Variants in PAN3 observed in about 807,000 individuals in gnomAD.
PAN3 encodes the protein PAN2-PAN3 deadenylation complex subunit PAN3.
PAN3 carries 19 observed loss-of-function variants against 96.2 expected under a neutral mutation model. The observed-to-expected ratio is 0.20, with a 90% CI of 0.14 to 0.29. The LOEUF (loss-of-function observed/expected upper bound fraction) is 0.29, where lower values mean the gene tolerates loss of function less well. Among genes scored for constraint, PAN3 ranks in the 10% least tolerant of loss-of-function variants. PAN3 has a pLI of 1.00. For missense variants in PAN3, 882 were observed against 1,108.1 expected, an observed-to-expected ratio of 0.80 and a Z score of 2.90; for synonymous variants, 433 against 406.6, an observed-to-expected ratio of 1.06 and a Z score of -0.78.
chr13:28,292,285 A>C, intron 18 of PAN3, 97 bp from the exon 19 acceptor site: 1 of 1,260,428 alleles, frequency 7.9e-7, no homozygotes, highest in Non-Finnish European at 1.1e-6. Context: ...GAATGTGACA[A>C]AAAAAATTTA....
intron 6 of PAN3, among the ~76,000 whole-genome samples, chr13:28,234,939 A>G (rs1882941730): frequency 6.6e-6 from 1 of 152,082 alleles, no homozygotes; most frequent in African/African-American, 2.4e-5. Flanking sequence ...TAATTGGTCT[A>G]CCCTTGCATT....
chr13:28,180,274 T>C (rs1875594570), intron 4 of PAN3, among the ~76,000 whole-genome samples: 1 of 152,228 alleles, frequency 6.6e-6, no homozygotes, highest in African/African-American at 2.4e-5. Flanking sequence ...GGTTCATATA[T>C]TCATATAGCT....
chr13:28,232,326 C>T (rs575239720), intron 6 of PAN3, among the ~76,000 whole-genome samples: 7 of 151,954 alleles, frequency 4.6e-5, no homozygotes, highest in South Asian at 4.1e-4. Context: ...CAGTTTACCC[C>T]GAATCTAGAT....
chr13:28,283,971 T>G (rs1868626413), intron 17 of PAN3, among the ~76,000 whole-genome samples: 1 of 152,192 alleles, frequency 6.6e-6, no homozygotes, highest in African/African-American at 2.4e-5. Context: ...TTGGGCTGTT[T>G]TCAGTCCTTT....
At chr13:28,174,191 C>A in intron 1 of PAN3, 81 bp from the exon 2 acceptor site, 1 of 1,411,680 alleles carries the variant, frequency 7.1e-7, no homozygotes, top group Non-Finnish European at 9.6e-7. Flanking sequence ...GACTTTACAA[C>A]TTATTTAGGA....
intron 6 of PAN3, among the ~76,000 whole-genome samples, chr13:28,251,333 GTTCTT>G (rs1884705141): frequency 1.3e-5 from 2 of 152,166 alleles, no homozygotes; most frequent in Admixed American, 1.3e-4. Context: ...GTTCTTATGA[GTTCTT>G]TTAAGTGCGA....
At chr13:28,168,315 T>C (rs553200484) in intron 1 of PAN3, among the ~76,000 whole-genome samples, 1 of 152,328 alleles carries the variant, frequency 6.6e-6, no homozygotes, top group East Asian at 1.9e-4. Flanking sequence ...AGCATTTCCT[T>C]TGAGCATCAT....
chr13:28,218,316 C>T (rs1042237154), intron 5 of PAN3, among the ~76,000 whole-genome samples: 4 of 151,858 alleles, frequency 2.6e-5, no homozygotes, highest in Non-Finnish European at 5.9e-5. Flanking sequence ...TGCTGTTGTA[C>T]CTGAATCTTA....
At chr13:28,178,701 A>G (rs1164820597) in intron 4 of PAN3, among the ~76,000 whole-genome samples, 1 of 152,178 alleles carries the variant, frequency 6.6e-6, no homozygotes, top group Non-Finnish European at 1.5e-5. Context: ...TAAATGTAAA[A>G]TTAACTAAAG....
chr13:28,259,307 T>C lies in PAN3; in HGVS notation c.1249-1140T>C, dbSNP rs536950096. On this transcript the variant is annotated intron_variant, in intron 7 of 18. Transcript: ENST00000380958. Reference sequence around the variant, plus strand: ...CAAGCCTGGCTAATTTGTGTTTTTTTTGTTGTTTTTTTTTTTGAGATGGAG... The same window carrying C: ...CAAGCCTGGCTAATTTGTGTTTTTTCTGTTGTTTTTTTTTTTGAGATGGAG... Among the ~76,000 whole-genome samples the C allele has an allele frequency of 1.1e-4, 16 of 151,184 alleles. No individual in the cohort carries two copies. The East Asian group carries it at 3.1e-3, about 29-fold the overall frequency.
chr13:28,222,095 T>C (rs961223075), intron 6 of PAN3, among the ~76,000 whole-genome samples: 1 of 152,174 alleles, frequency 6.6e-6, no homozygotes, highest in Non-Finnish European at 1.5e-5. Flanking sequence ...TGTTAACTTA[T>C]TTCATGAAAC....
intron 5 of PAN3, among the ~76,000 whole-genome samples, chr13:28,199,720 A>T (rs575852438): frequency 1.4e-4 from 21 of 152,196 alleles, no homozygotes; most frequent in African/African-American, 5.1e-4. Flanking sequence ...AAAGTAACTT[A>T]CCAATTCCAT....
rs1885150019 is a variant in PAN3 at position 28,256,486 on chromosome 13, G to C, written c.1195G>C (p.Gly399Arg). The part of the protein sequence containing the change: ...SGQVIQKETV[G>R]GTTYFYTDTT... ...TCAGGTGATCCAAAAGGAAACTGTTGGTGGGACGACTTACTTCTATACAGA... is the reference window on the plus strand; with the variant it reads ...TCAGGTGATCCAAAAGGAAACTGTTCGTGGGACGACTTACTTCTATACAGA... The change falls in exon 7 of 19, where the codon GGT (glycine) becomes CGT (arginine). Residue 399 changes from glycine (G) to arginine (R), a missense_variant. This residue lies in a region of PAN3 where 364 missense variants were observed against 513.6 expected (regional missense o/e 0.71). Transcript: ENST00000380958. The C allele has an allele frequency of 1.9e-6, 3 of 1,613,870 alleles. No homozygotes were observed. Among genetic ancestry groups the C allele is most frequent in the Non-Finnish European group, 2.5e-6 (3 of 1,179,944 alleles).
chr13:28,238,237 G>A (rs1306393449), intron 6 of PAN3, among the ~76,000 whole-genome samples: 1 of 152,160 alleles, frequency 6.6e-6, no homozygotes, highest in Non-Finnish European at 1.5e-5. Flanking sequence ...GAACCAAAGA[G>A]TACAGAAAAG....
In PAN3 at chr13:28,220,405, G is replaced by A. The variant is rs1351590488; in HGVS notation, c.1000+27G>A. 2.5e-6 allele frequency: 4 copies of A among 1,607,624 alleles called. No individual in the cohort carries two copies. In the South Asian group the frequency reaches 4.4e-5, roughly 18 times the overall value. On this transcript the variant is annotated intron_variant, in intron 6 of 18. Coordinates refer to ENST00000380958, the MANE Select transcript of PAN3 (RefSeq NM_175854.8). ...TAAGTTGAGTAACTATTTCCAGTGA[G>A]TTCCAGATACCATGTCTGTAAGCAC...
chr13:28,261,463 A>G lies in PAN3; in HGVS notation c.1411+5A>G. ...TTGATCAAGCAGATATGCCAGGTAA[A>G]AAGCAAGTTGATCCTTCCTTTCTTT... On this transcript the variant is annotated splice_donor_5th_base_variant and intron_variant, in intron 9 of 18. Transcript: ENST00000380958. The G allele has an allele frequency of 6.2e-7, 1 of 1,607,658 alleles. No individual in the cohort carries two copies. The highest frequency in any genetic ancestry group is 8.5e-7 in the Non-Finnish European group (1 of 1,176,096).
chr13:28,239,674 A>G (rs1408281573), intron 6 of PAN3: 1 of 1,288,158 alleles, frequency 7.8e-7, no homozygotes. Flanking sequence ...TAGTTTGGGC[A>G]GCGTTGGACA....
chr13:28,226,154 TAA>T (rs1204935703), intron 6 of PAN3, among the ~76,000 whole-genome samples: 17 of 152,312 alleles, frequency 1.1e-4, no homozygotes, highest in African/African-American at 3.9e-4. Context: ...GGCTCTACGT[TAA>T]GTCTTTCAAG....
At chr13:28,258,630 A>G (rs1001016006) in intron 7 of PAN3, among the ~76,000 whole-genome samples, 1 of 152,200 alleles carries the variant, frequency 6.6e-6, no homozygotes, top group African/African-American at 2.4e-5. Flanking sequence ...AGCCAGGGCA[A>G]TATCACTTCC....
Sources: allele counts gnomAD v4.1 joint callset (sites outside exome capture counted in the v4.1 genomes callset), GRCh38; gene constraint gnomAD v4.1.1; regional missense constraint gnomAD v4.1.1; transcripts MANE v1.5; gene names NCBI Gene and HGNC (gene_info 2026-07-23, HGNC 2026-07-21).